TENM2: variants seen among roughly 807,000 people sequenced by gnomAD.
TENM2 encodes teneurin-2.
In TENM2, 52 loss-of-function variants were observed where a neutral mutation model predicts 245.2. The ratio of observed to expected loss-of-function variants is 0.21; its 90% CI spans 0.17 to 0.27. TENM2 has a LOEUF of 0.27. Among genes scored for constraint, TENM2 ranks in the 10% least tolerant of loss-of-function variants. TENM2 has a pLI of 1.00. For synonymous variants in TENM2, 1,363 were observed against 1,438.9 expected (o/e 0.95, Z 1.19); for missense variants, 3,046 against 3,666.8 (o/e 0.83, Z 4.37).
chr5:167,477,565 AAT>A (rs1767477557), intron 2 of TENM2, among the ~76,000 whole-genome samples: 1 of 152,158 alleles, frequency 6.6e-6, no homozygotes, highest in Non-Finnish European at 1.5e-5. Context: ...TGCATTGTTA[AAT>A]GTTGTTATCT....
chr5:168,192,751 A>T (rs991554266), intron 14 of TENM2, among the ~76,000 whole-genome samples: 2 of 152,174 alleles, frequency 1.3e-5, no homozygotes, highest in Non-Finnish European at 2.9e-5. Flanking sequence ...TTAATTATGA[A>T]CATAATTCAT....
chr5:168,077,659 T>C (rs1469488068), intron 7 of TENM2, among the ~76,000 whole-genome samples: 1 of 152,160 alleles, frequency 6.6e-6, no homozygotes, highest in African/African-American at 2.4e-5. Flanking sequence ...TTCCCATCTA[T>C]GAGTGAGAAC....
At chr5:167,167,572 A>G in the TENM2 span, among the ~76,000 whole-genome samples, 1 of 152,132 alleles carries the variant, frequency 6.6e-6, no homozygotes, top group African/African-American at 2.4e-5. Flanking sequence ...CACAACTCTC[A>G]TTAAAAATTC....
intron 2 of TENM2, among the ~76,000 whole-genome samples, chr5:167,853,396 G>A (rs920126924): frequency 6.6e-6 from 1 of 151,572 alleles, no homozygotes; most frequent in Non-Finnish European, 1.5e-5. Flanking sequence ...CGCTCCATGG[G>A]TAGAACTCTC....
At chr5:167,870,189 AT>A (rs1220503292) in intron 2 of TENM2, among the ~76,000 whole-genome samples, 1 of 151,942 alleles carries the variant, frequency 6.6e-6, no homozygotes, top group African/African-American at 2.4e-5. Context: ...CTTACAAATT[AT>A]TTTTTTCTGT....
At chr5:167,165,598 G>A in the TENM2 span, among the ~76,000 whole-genome samples, 3 of 151,972 alleles carry the variant, frequency 2.0e-5, no homozygotes, top group Non-Finnish European at 4.4e-5. Flanking sequence ...TTTGGTGAAC[G>A]CTGAATACAC....
chr5:167,538,268 A>G (rs1562037604), intron 2 of TENM2, among the ~76,000 whole-genome samples: 1 of 152,238 alleles, frequency 6.6e-6, no homozygotes, highest in East Asian at 1.9e-4. Context: ...ATCGAGACAT[A>G]CTTATCCTCT....
chr5:167,806,722 G>A (rs962372234), intron 2 of TENM2, among the ~76,000 whole-genome samples: 4 of 151,928 alleles, frequency 2.6e-5, no homozygotes, highest in South Asian at 2.1e-4. Context: ...AAAATGGCTC[G>A]CAGATCTCAC....
intron 2 of TENM2, among the ~76,000 whole-genome samples, chr5:167,400,292 C>T (rs1762289600): frequency 6.6e-6 from 1 of 151,892 alleles, no homozygotes; most frequent in Non-Finnish European, 1.5e-5. Context: ...GTTTCAGAGG[C>T]AACTTGACAG....
At chr5:167,361,826 C>G (rs999936041) in intron 1 of TENM2, among the ~76,000 whole-genome samples, 42 of 152,104 alleles carry the variant, frequency 2.8e-4, no homozygotes, top group African/African-American at 9.4e-4. Flanking sequence ...TTGTAAGGTC[C>G]TTTGGTTTAT....
chr5:167,189,405 GT>G, the TENM2 span, among the ~76,000 whole-genome samples: 1 of 152,186 alleles, frequency 6.6e-6, no homozygotes, highest in South Asian at 2.1e-4. Context: ...TAAATTTAAT[GT>G]TATAATTTGC....
chr5:167,693,540 G>A (rs939095698), intron 2 of TENM2, among the ~76,000 whole-genome samples: 1 of 151,486 alleles, frequency 6.6e-6, no homozygotes, highest in Non-Finnish European at 1.5e-5. Flanking sequence ...GATAAACTTA[G>A]GAGTTGTTAC....
chr5:167,959,813 C>T (rs1780860853), intron 4 of TENM2, among the ~76,000 whole-genome samples: 1 of 152,156 alleles, frequency 6.6e-6, no homozygotes, highest in Admixed American at 6.5e-5. Flanking sequence ...CCTTTTTGCG[C>T]TATTTTTTCC....
the TENM2 span, among the ~76,000 whole-genome samples, chr5:167,169,424 G>A: frequency 2.0e-5 from 3 of 152,238 alleles, no homozygotes; most frequent in South Asian, 2.1e-4. Context: ...AGGTCCTAGG[G>A]CCTAACTTCC....
the TENM2 span, among the ~76,000 whole-genome samples, chr5:167,079,540 C>T: frequency 6.6e-5 from 10 of 150,954 alleles, no homozygotes; most frequent in African/African-American, 2.2e-4. Context: ...CTTGAACTCC[C>T]GACCTCAGGC....
chr5:168,031,830 A>G (rs1157965923), intron 5 of TENM2, among the ~76,000 whole-genome samples: 2 of 151,744 alleles, frequency 1.3e-5, no homozygotes, highest in Admixed American at 1.3e-4. Flanking sequence ...GGAAGGAGGA[A>G]GGGAAAGAAA....
At chr5:168,048,918 G>A (rs1170850244) in intron 6 of TENM2, among the ~76,000 whole-genome samples, 1 of 152,132 alleles carries the variant, frequency 6.6e-6, no homozygotes, top group African/African-American at 2.4e-5. Context: ...AGTTAAACTA[G>A]ACCTAAAACT....
intron 5 of TENM2, among the ~76,000 whole-genome samples, chr5:168,032,506 A>G (rs1218878096): frequency 2.6e-5 from 4 of 152,152 alleles, no homozygotes; most frequent in Admixed American, 6.5e-5. Context: ...CTTAGATTTG[A>G]ATAGCTTTGA....
At chr5:167,438,849 A>G (rs1357923048) in intron 2 of TENM2, among the ~76,000 whole-genome samples, 1 of 151,740 alleles carries the variant, frequency 6.6e-6, no homozygotes, top group Non-Finnish European at 1.5e-5. Flanking sequence ...ACTGGAGTGC[A>G]ATGGCACGAT....
Sources: gnomAD v4.1 joint callset for allele counts (sites outside exome capture counted in the v4.1 genomes callset) on GRCh38, gnomAD v4.1.1 for gene constraint, MANE v1.5 for transcripts, NCBI Gene and HGNC (gene_info 2026-07-23, HGNC 2026-07-21) for gene names.